Variants in LNPK observed in about 807,000 individuals in gnomAD.
LNPK encodes the protein endoplasmic reticulum junction formation protein lunapark.
A neutral mutation model predicts 55.2 loss-of-function variants in LNPK; 29 were observed. The observed-to-expected ratio is 0.53, with a 90% confidence interval of 0.39 to 0.72. LNPK has a LOEUF of 0.72. LNPK is among the 30% of genes least tolerant of loss of function. The pLI is 0.00. For synonymous variants in LNPK, 162 were observed against 168.2 expected (o/e 0.96, Z 0.29); for missense variants, 467 against 494.8 (o/e 0.94, Z 0.53).
intron 1 of LNPK, among the ~76,000 whole-genome samples, chr2:175,997,740 A>AGTGTGTGTGTGTGTGT (rs1559079701): frequency 1.7e-3 from 89 of 52,896 alleles, no homozygotes; most frequent in African/African-American, 5.6e-3. Context: ...TGTGTGTATA[A>AGTGTGTGTGTGTGTGT]ATATAATTTT....
At chr2:175,988,120 C>T (rs2105708095) in intron 4 of LNPK, among the ~76,000 whole-genome samples, 1 of 152,194 alleles carries the variant, frequency 6.6e-6, no homozygotes, top group Non-Finnish European at 1.5e-5. Flanking sequence ...CCCTTTCTGC[C>T]AAACTTAAGT....
At chr2:175,943,437 C>A (rs1385329972) in intron 9 of LNPK, among the ~76,000 whole-genome samples, 1 of 151,716 alleles carries the variant, frequency 6.6e-6, no homozygotes, top group Non-Finnish European at 1.5e-5. Flanking sequence ...CAAAACCAGA[C>A]AAAGATATGA....
intron 5 of LNPK, among the ~76,000 whole-genome samples, chr2:175,972,712 G>T (rs778858582): frequency 1.6e-4 from 25 of 152,116 alleles, no homozygotes; most frequent in African/African-American, 6.0e-4. Context: ...TTTCACAGAG[G>T]TAGTTACTGC....
chr2:175,950,037 T>C (rs1041346076), intron 8 of LNPK, among the ~76,000 whole-genome samples: 1 of 152,034 alleles, frequency 6.6e-6, no homozygotes, highest in Non-Finnish European at 1.5e-5. Flanking sequence ...AAACGTAAGA[T>C]ACAAAGCCCC....
intron 4 of LNPK, among the ~76,000 whole-genome samples, chr2:175,991,354 TAAAG>T (rs968439250): frequency 2.0e-5 from 3 of 152,010 alleles, no homozygotes; most frequent in African/African-American, 2.4e-5. Flanking sequence ...AAAATGAAAA[TAAAG>T]AAAGTAGCAG....
chr2:175,958,120 C>T (rs981904475), intron 8 of LNPK, among the ~76,000 whole-genome samples: 1 of 152,240 alleles, frequency 6.6e-6, no homozygotes, highest in African/African-American at 2.4e-5. Context: ...TAGACTCCAC[C>T]TCTGGGGGCA....
At chr2:175,985,030 G>A in intron 4 of LNPK, among the ~76,000 whole-genome samples, 1 of 152,172 alleles carries the variant, frequency 6.6e-6, no homozygotes, top group East Asian at 1.9e-4. Context: ...AGAAAGAAAG[G>A]AATTATTGAC....
intron 8 of LNPK, among the ~76,000 whole-genome samples, chr2:175,949,316 A>AAAAAATT (rs1685290983): frequency 2.6e-5 from 4 of 152,156 alleles, no homozygotes; most frequent in Non-Finnish European, 5.9e-5. Context: ...CACAAGGAGC[A>AAAAAATT]CCTTAATAGG....
intron 12 of LNPK, among the ~76,000 whole-genome samples, chr2:175,933,767 T>C (rs973901048): frequency 3.2e-4 from 43 of 134,002 alleles, no homozygotes; most frequent in African/African-American, 1.2e-3. Flanking sequence ...AGTCTCACTC[T>C]GTCACCCACG....
intron 12 of LNPK, among the ~76,000 whole-genome samples, chr2:175,932,577 A>G (rs1478379085): frequency 2.6e-4 from 39 of 152,198 alleles, no homozygotes. Context: ...ATGTGACATG[A>G]CATCTACAAT....
chr2:175,972,990 T>C (rs1464618177), intron 5 of LNPK, among the ~76,000 whole-genome samples: 1 of 152,232 alleles, frequency 6.6e-6, no homozygotes, highest in African/African-American at 2.4e-5. Flanking sequence ...ATAATGCATC[T>C]GCTACAAATT....
intron 8 of LNPK, among the ~76,000 whole-genome samples, chr2:175,953,263 T>C (rs1319023164): frequency 6.6e-6 from 1 of 152,112 alleles, no homozygotes; most frequent in Non-Finnish European, 1.5e-5. Flanking sequence ...CTTACTCTAT[T>C]TTCTCTCTCT....
chr2:175,939,759 G>T, intron 9 of LNPK, 102 bp from the exon 10 acceptor site: 3 of 517,612 alleles, frequency 5.8e-6, no homozygotes, highest in Non-Finnish European at 6.7e-6. Context: ...AATTTTAAAA[G>T]GTTTTAACAA....
chr2:176,002,511 C>T (rs1179633519), upstream of LNPK: 4 of 206,072 alleles, frequency 1.9e-5, no homozygotes, highest in Non-Finnish European at 3.0e-5. Flanking sequence ...TTATTTCTTA[C>T]TCTTCCGCTG....
At chr2:175,951,733 T>C (rs1163178083) in intron 8 of LNPK, among the ~76,000 whole-genome samples, 1 of 151,706 alleles carries the variant, frequency 6.6e-6, no homozygotes, top group African/African-American at 2.4e-5. Context: ...TGACTTATTT[T>C]CCTCTGGGTA....
rs1388903206 is a variant in LNPK, at chr2:175,927,779, T to C, written c.*2188A>G. 6.6e-6 allele frequency: 1 copy of C among 151,342 alleles called. No homozygotes were observed. Among genetic ancestry groups the C allele is most frequent in the Non-Finnish European group, 1.5e-5 (1 of 67,718 alleles). 9.4% of individuals were successfully genotyped at this position (151,342 alleles called of 1,614,324 possible). A position where few individuals can be genotyped will look rare whatever the true frequency, so the allele number is the denominator to read the frequency against. On this transcript the variant is annotated 3_prime_UTR_variant, in exon 13 of 13. Coordinates refer to ENST00000272748, the MANE Select transcript of LNPK (RefSeq NM_030650.3). Reference sequence around the variant, plus strand: ...TACTAAGTTTCAACCATTAACTGTTTATTATAATAATAATGAAAATAAGCT... The same window carrying C: ...TACTAAGTTTCAACCATTAACTGTTCATTATAATAATAATGAAAATAAGCT...
At chr2:176,001,673 T>A (rs1176931881) in intron 1 of LNPK, among the ~76,000 whole-genome samples, 1 of 152,120 alleles carries the variant, frequency 6.6e-6, no homozygotes, top group Non-Finnish European at 1.5e-5. Context: ...CAGTCCCTTC[T>A]GGTCTTTCTA....
intron 5 of LNPK, among the ~76,000 whole-genome samples, chr2:175,976,068 C>A (rs1243769271): frequency 6.6e-6 from 1 of 151,864 alleles, no homozygotes; most frequent in Non-Finnish European, 1.5e-5. Flanking sequence ...GTTTGTAGTA[C>A]AAAAAGATGG....
At chr2:175,943,362 G>C (rs1684954117) in intron 9 of LNPK, among the ~76,000 whole-genome samples, 1 of 151,540 alleles carries the variant, frequency 6.6e-6, no homozygotes, top group Non-Finnish European at 1.5e-5. Flanking sequence ...CCAGAGAATT[G>C]AATAGGGAAT....
Sources: gnomAD v4.1 joint callset for allele counts (sites outside exome capture counted in the v4.1 genomes callset) on GRCh38, gnomAD v4.1.1 for gene constraint, MANE v1.5 for transcripts, NCBI Gene and HGNC (gene_info 2026-07-23, HGNC 2026-07-21) for gene names.